ROBO1: variants seen among roughly 807,000 people sequenced by gnomAD.
ROBO1 encodes roundabout homolog 1.
In ROBO1, 149 loss-of-function variants were observed where a neutral mutation model predicts 195.9. That is an observed-to-expected ratio of 0.76 (90% CI 0.67 to 0.87). The LOEUF (loss-of-function observed/expected upper bound fraction) is 0.87. Among genes scored for constraint, ROBO1 ranks in the 40% least tolerant of loss-of-function variants. The pLI, the probability that ROBO1 is intolerant of heterozygous loss-of-function variation, is 0.00. For synonymous variants in ROBO1, 816 were observed against 733.2 expected, an observed-to-expected ratio of 1.11 and a Z score of -1.82; for missense variants, 1,933 against 2,068.3, an observed-to-expected ratio of 0.93 and a Z score of 1.27.
At chr3:78,921,603 A>AT (rs2038941859) in intron 4 of ROBO1, among the ~76,000 whole-genome samples, 1 of 152,286 alleles carries the variant, frequency 6.6e-6, no homozygotes, top group South Asian at 2.1e-4. Context: ...AGTAACAAGC[A>AT]TTTTTCAAAA....
chr3:79,403,971 A>G (rs778490304), intron 2 of ROBO1, among the ~76,000 whole-genome samples: 2 of 152,046 alleles, frequency 1.3e-5, no homozygotes, highest in Non-Finnish European at 1.5e-5. Context: ...CATAATATCT[A>G]TACACATTTA....
In ROBO1 at chr3:79,658,308, GGTTA is replaced by G. The variant is rs1367909759; in HGVS notation, c.-50-68351_-50-68348del. ...AATGTTCTGATGTTACAGAACGAAT[GGTTA>G]ATTATTTCTTATTAGTAATAGTGGG... On this transcript the variant is annotated intron_variant, in intron 1 of 30. Transcript: ENST00000464233. 6.6e-5 allele frequency among the ~76,000 whole-genome samples: 10 copies of G among 151,976 alleles called. No individual in the cohort carries two copies. In the East Asian group the frequency reaches 1.9e-3, roughly 30 times the overall value.
At chr3:78,718,838 G>T (rs1346124778) in intron 5 of ROBO1, among the ~76,000 whole-genome samples, 6 of 142,656 alleles carry the variant, frequency 4.2e-5, no homozygotes, top group Non-Finnish European at 9.3e-5. Context: ...GAGGGAGAGA[G>T]GGAGGGAGGG....
At chr3:79,263,456 C>T (rs976986557) in intron 2 of ROBO1, among the ~76,000 whole-genome samples, 2 of 151,980 alleles carry the variant, frequency 1.3e-5, no homozygotes, top group Non-Finnish European at 2.9e-5. Context: ...CCAGACTAGT[C>T]TGGTCAACAT....
intron 2 of ROBO1, among the ~76,000 whole-genome samples, chr3:79,417,322 AG>A (rs1461441441): frequency 1.3e-5 from 2 of 152,128 alleles, no homozygotes; most frequent in Non-Finnish European, 2.9e-5. Flanking sequence ...CAAGAAACTG[AG>A]GGTTAGTCCA....
At chr3:79,106,356 G>A (rs1381816163) in intron 3 of ROBO1, among the ~76,000 whole-genome samples, 1 of 151,372 alleles carries the variant, frequency 6.6e-6, no homozygotes, top group Non-Finnish European at 1.5e-5. Flanking sequence ...ATTCTCCGGG[G>A]TTCATTAAAT....
intron 2 of ROBO1, among the ~76,000 whole-genome samples, chr3:79,149,384 T>C (rs1489260364): frequency 6.6e-6 from 1 of 151,914 alleles, no homozygotes; most frequent in Non-Finnish European, 1.5e-5. Context: ...TTTTTGCATG[T>C]TGTGTGCTTC....
intron 4 of ROBO1, among the ~76,000 whole-genome samples, chr3:78,808,581 G>T (rs1004491702): frequency 3.9e-5 from 6 of 152,078 alleles, no homozygotes; most frequent in African/African-American, 1.4e-4. Flanking sequence ...AAAGTACAAA[G>T]ATTTTCAAAT....
At chr3:79,119,440 T>C (rs2108556570) in intron 3 of ROBO1, among the ~76,000 whole-genome samples, 1 of 152,308 alleles carries the variant, frequency 6.6e-6, no homozygotes, top group Non-Finnish European at 1.5e-5. Flanking sequence ...CCCACGATGC[T>C]AATTTCTGTC....
intron 1 of ROBO1, among the ~76,000 whole-genome samples, chr3:79,714,993 TATA>T (rs1051806131): frequency 1.0e-3 from 154 of 152,006 alleles, no homozygotes; most frequent in Admixed American, 1.9e-3. Context: ...AAACTTAAAG[TATA>T]ATAATAATAA....
intron 4 of ROBO1, among the ~76,000 whole-genome samples, chr3:78,816,596 C>T (rs1340287076): frequency 6.6e-6 from 1 of 152,012 alleles, no homozygotes; most frequent in African/African-American, 2.4e-5. Context: ...TTTTAGGTGA[C>T]ATTTTGTGAC....
intron 4 of ROBO1, among the ~76,000 whole-genome samples, chr3:78,864,694 A>G (rs886649536): frequency 6.6e-6 from 1 of 151,948 alleles, no homozygotes; most frequent in Non-Finnish European, 1.5e-5. Flanking sequence ...TAATGCATGT[A>G]TGTATATATA....
At position 78,956,185 on chromosome 3, in the gene ROBO1, T is replaced by C. The variant is rs138563261; in HGVS notation, c.173-17258A>G. On this transcript the variant is annotated intron_variant, in intron 3 of 30. Transcript: ENST00000464233. The stretch of plus-strand genomic sequence containing the variant: ...AAATATTTAAATGAGTAATTAGTAA[T>C]CTTTATTTTCTAAAGGGGTAAGTAA... Among the ~76,000 whole-genome samples the C allele has an allele frequency of 1.4e-3, 212 of 152,276 alleles. 2 individuals are homozygous for C. In the East Asian group the frequency reaches 0.032, roughly 23 times the overall value.
chr3:78,935,684 G>A (rs1489637811), intron 4 of ROBO1, among the ~76,000 whole-genome samples: 1 of 151,936 alleles, frequency 6.6e-6, no homozygotes, highest in East Asian at 1.9e-4. Context: ...CAAATAGTGA[G>A]TTTTTATGTC....
At chr3:79,012,276 CA>C (rs979983889) in intron 3 of ROBO1, among the ~76,000 whole-genome samples, 9 of 152,176 alleles carry the variant, frequency 5.9e-5, no homozygotes, top group Non-Finnish European at 1.2e-4. Context: ...TCACTTGACA[CA>C]AAAAGACTAT....
intron 8 of ROBO1, among the ~76,000 whole-genome samples, chr3:78,704,739 G>A (rs1379863282): frequency 6.6e-6 from 1 of 151,560 alleles, no homozygotes; most frequent in Admixed American, 6.6e-5. Flanking sequence ...CTACTTGGGA[G>A]GCTGAAGGGA....
At chr3:79,681,671 A>C (rs7613379) in intron 1 of ROBO1, among the ~76,000 whole-genome samples, 91,544 of 151,630 alleles carry the variant, frequency 0.6, 27,857 homozygotes, top group South Asian at 0.69. Context: ...ATGTTTAGAT[A>C]TCAAACTCCT....
chr3:79,013,513 A>C (rs1263140689), intron 3 of ROBO1, among the ~76,000 whole-genome samples: 2 of 152,230 alleles, frequency 1.3e-5, no homozygotes, highest in East Asian at 3.9e-4. Context: ...TCAAGTGTTC[A>C]AACCACAGTT....
intron 1 of ROBO1, among the ~76,000 whole-genome samples, chr3:79,664,493 AACTTAAT>A (rs1560081204): frequency 6.6e-6 from 1 of 151,918 alleles, no homozygotes; most frequent in African/African-American, 2.4e-5. Context: ...TTCCCCTCCT[AACTTAAT>A]GTCAGAAATA....
Sources: allele counts gnomAD v4.1 joint callset (sites outside exome capture counted in the v4.1 genomes callset), GRCh38; gene constraint gnomAD v4.1.1; transcripts MANE v1.5; gene names NCBI Gene and HGNC (gene_info 2026-07-23, HGNC 2026-07-21).